FAM185A: variants seen among roughly 807,000 people sequenced by gnomAD.
FAM185A encodes the protein protein FAM185A.
FAM185A carries 21 observed loss-of-function variants against 45.7 expected under a neutral mutation model. The ratio of observed to expected loss-of-function variants is 0.46; its 90% confidence interval spans 0.33 to 0.66. FAM185A has a LOEUF of 0.66. Ranked by LOEUF, FAM185A falls within the 30% of genes least tolerant of loss-of-function variation. FAM185A has a pLI of 0.03. For missense variants in FAM185A, 305 were observed against 485.4 expected (o/e 0.63, Z 3.49); for synonymous variants, 117 against 194.0 (o/e 0.60, Z 3.30).
intron 4 of FAM185A, among the ~76,000 whole-genome samples, chr7:102,767,338 A>G (rs1165841790): frequency 2.0e-5 from 3 of 150,618 alleles, no homozygotes; most frequent in African/African-American, 7.3e-5. Flanking sequence ...TTCAGAAACC[A>G]GGCCTAGAAG....
chr7:102,767,626 TTA>T (rs1794492309), intron 4 of FAM185A, among the ~76,000 whole-genome samples: 1 of 149,354 alleles, frequency 6.7e-6, no homozygotes, highest in South Asian at 2.1e-4. Flanking sequence ...CTAGGGCATC[TTA>T]TATACTTTTG....
chr7:102,762,181 G>T (rs1794150773), intron 4 of FAM185A, among the ~76,000 whole-genome samples: 1 of 152,138 alleles, frequency 6.6e-6, no homozygotes, highest in South Asian at 2.1e-4. Context: ...CTGGCACCAG[G>T]TTTTCTCAGC....
At chr7:102,845,526 C>T in the FAM185A span, among the ~76,000 whole-genome samples, 1 of 152,092 alleles carries the variant, frequency 6.6e-6, no homozygotes, top group Non-Finnish European at 1.5e-5. Flanking sequence ...GGCTTGAAAG[C>T]GGGGACACCA....
intron 6 of FAM185A, among the ~76,000 whole-genome samples, chr7:102,781,050 A>G (rs903687374): frequency 4.6e-5 from 7 of 152,128 alleles, no homozygotes; most frequent in African/African-American, 1.4e-4. Context: ...ATGCCCACGG[A>G]GCCTCGCTCA....
At chr7:102,756,533 T>C (rs1793748761) in intron 2 of FAM185A, among the ~76,000 whole-genome samples, 1 of 151,954 alleles carries the variant, frequency 6.6e-6, no homozygotes, top group Non-Finnish European at 1.5e-5. Context: ...GGCATACGCT[T>C]GTAGTCCCAG....
chr7:102,795,031 GACAAGGGACT>G (rs1322161674), intron 7 of FAM185A, among the ~76,000 whole-genome samples: 1 of 152,224 alleles, frequency 6.6e-6, no homozygotes, highest in Non-Finnish European at 1.5e-5. Flanking sequence ...AAAGGGACAT[GACAAGGGACT>G]TCCTTTGTAG....
At chr7:102,801,677 C>A (rs189529219) in intron 7 of FAM185A, among the ~76,000 whole-genome samples, 1 of 152,330 alleles carries the variant, frequency 6.6e-6, no homozygotes, top group Admixed American at 6.5e-5. Context: ...ATAATCCCAG[C>A]ACTTTGGGAG....
At position 102,797,164 on chromosome 7, in the gene FAM185A, A is replaced by AAGTT. The variant is rs1796481051; in HGVS notation, c.1066+9697_1066+9700dup. ...ACTTTTGTTGAGAGAAGATTGTAAA[A>AAGTT]AGTTAAAGAACGTTGAGGCTGGGCA... On this transcript the variant is annotated intron_variant, in intron 7 of 7. Coordinates refer to ENST00000413034, the MANE Select transcript of FAM185A (RefSeq NM_001145268.2). Among the ~76,000 whole-genome samples, 5 of 152,196 alleles carry AAGTT rather than the reference A, an allele frequency of 3.3e-5. No individual in the cohort carries two copies. In the South Asian group the frequency reaches 1.0e-3, roughly 31 times the overall value.
rs979099593 is a variant in FAM185A, at chr7:102,749,157, T to G, written c.-51T>G. The G allele has an allele frequency of 1.9e-6, 3 of 1,550,250 alleles. No homozygotes were observed. The highest frequency in any genetic ancestry group is 3.9e-5 in the Admixed American group (2 of 50,988). The stretch of plus-strand genomic sequence containing the variant: ...GGCCAAGTCGATTGGCCGTGGCAAG[T>G]GACCCTCCCTGTGGCTGAAGTGTTC... On this transcript the variant is annotated 5_prime_UTR_variant, in exon 1 of 8. Coordinates refer to ENST00000413034, the MANE Select transcript of FAM185A (RefSeq NM_001145268.2).
intron 7 of FAM185A, among the ~76,000 whole-genome samples, chr7:102,793,928 A>C (rs1304781718): frequency 6.7e-6 from 1 of 150,058 alleles, no homozygotes; most frequent in African/African-American, 2.5e-5. Flanking sequence ...AATCCCAGCT[A>C]CTCGGGAGGC....
chr7:102,775,203 ACT>A (rs1794984838), intron 5 of FAM185A, among the ~76,000 whole-genome samples: 1 of 152,170 alleles, frequency 6.6e-6, no homozygotes, highest in East Asian at 1.9e-4. Flanking sequence ...TTTAAGATTT[ACT>A]CTCTTAGCAA....
chr7:102,830,481 T>C, the FAM185A span, among the ~76,000 whole-genome samples: 1 of 152,204 alleles, frequency 6.6e-6, no homozygotes, highest in Non-Finnish European at 1.5e-5. Context: ...CTGGGTCCCT[T>C]GACCCAGCTC....
At chr7:102,828,734 A>G in the FAM185A span, among the ~76,000 whole-genome samples, 8 of 152,294 alleles carry the variant, frequency 5.3e-5, 1 homozygote, top group Admixed American at 5.2e-4. Context: ...TTTTTGGGTA[A>G]AATGTTTTAC....
chr7:102,788,065 A>C (rs1345817883), intron 7 of FAM185A, among the ~76,000 whole-genome samples: 1 of 152,082 alleles, frequency 6.6e-6, no homozygotes, highest in Non-Finnish European at 1.5e-5. Context: ...CCCGGGTTCA[A>C]ACGATTCTGT....
At chr7:102,779,662 T>C in intron 6 of FAM185A, 1 of 152,082 alleles carries the variant, frequency 6.6e-6, no homozygotes, top group Non-Finnish European at 1.5e-5. Context: ...CTGTCTGTAG[T>C]TTACATTTGA....
At chr7:102,825,671 G>A in the FAM185A span, among the ~76,000 whole-genome samples, 1 of 152,040 alleles carries the variant, frequency 6.6e-6, no homozygotes, top group African/African-American at 2.4e-5. Context: ...ACAATATAAG[G>A]ACCAGTTTCA....
intron 4 of FAM185A, among the ~76,000 whole-genome samples, chr7:102,767,718 C>A (rs1406962353): frequency 6.6e-6 from 1 of 152,148 alleles, no homozygotes; most frequent in East Asian, 1.9e-4. Flanking sequence ...TTTATACATC[C>A]ATCTGGCAGG....
intron 7 of FAM185A, among the ~76,000 whole-genome samples, chr7:102,792,831 T>C (rs1367745783): frequency 6.6e-6 from 1 of 151,826 alleles, no homozygotes; most frequent in Non-Finnish European, 1.5e-5. Context: ...GGTAATAACA[T>C]ACAATGGAAT....
At chr7:102,812,655 A>C (rs937694196), downstream of FAM185A, among the ~76,000 whole-genome samples, 2 of 152,180 alleles carry the variant, frequency 1.3e-5, no homozygotes, top group African/African-American at 4.8e-5. Context: ...TCAAACTCTT[A>C]GTTTGACATA....
Sources: gnomAD v4.1 joint callset for allele counts (sites outside exome capture counted in the v4.1 genomes callset) on GRCh38, gnomAD v4.1.1 for gene constraint, MANE v1.5 for transcripts, NCBI Gene and HGNC (gene_info 2026-07-23, HGNC 2026-07-21) for gene names.